The following GDPD2 variants were observed in gnomAD, a reference collection of about 807,000 sequenced individuals.
GDPD2 encodes the protein glycerophosphodiester phosphodiesterase domain containing 2, also known as glycerophosphodiester phosphodiesterase 3.
Under a neutral mutation model 49.2 loss-of-function variants are expected in GDPD2, and 23 were observed. The ratio of observed to expected loss-of-function variants is 0.47; its 90% CI spans 0.34 to 0.66. The LOEUF (loss-of-function observed/expected upper bound fraction) is 0.66, where lower values mean the gene tolerates loss of function less well. Ranked by LOEUF, GDPD2 falls within the 30% of genes least tolerant of loss-of-function variation. The pLI is 0.01. For synonymous variants in GDPD2, 167 were observed against 171.4 expected (o/e 0.97, Z 0.20); for missense variants, 338 against 424.7 (o/e 0.80, Z 1.79).
chrX:70,425,553 CCTGCCCAGCTG>C, intron 3 of GDPD2, 96 bp downstream of exon 3: 1 of 615,672 alleles, frequency 1.6e-6, no homozygotes, highest in Admixed American at 2.2e-5. Flanking sequence ...ATCCCCCAGC[CCTGCCCAGCTG>C]CTCAAACCCA....
intron 1 of GDPD2, among the ~76,000 whole-genome samples, 185 bp downstream of exon 1, chrX:70,423,567 G>A (rs1344135421): frequency 8.9e-6 from 1 of 112,018 alleles, no homozygotes; most frequent in Non-Finnish European, 1.9e-5. Context: ...GGGGACTCTG[G>A]AAGGCAGTGT....
At chrX:70,427,032 T>TGGGG in intron 8 of GDPD2, 21 bp downstream of exon 8, 1 of 978,976 alleles carries the variant, frequency 1.0e-6, no homozygotes, top group Non-Finnish European at 1.4e-6. Flanking sequence ...GACAGAATGC[T>TGGGG]GGGAGGGTGG....
chrX:70,429,742 A>G (rs1367428943), intron 11 of GDPD2, 28 bp downstream of exon 11: 13 of 1,111,274 alleles, frequency 1.2e-5, no homozygotes, highest in Non-Finnish European at 1.6e-5. Flanking sequence ...CCCTCTCCCC[A>G]CCCTGCCTTC....
chrX:70,428,364 G>C (rs777163094), intron 10 of GDPD2, among the ~76,000 whole-genome samples: 5 of 112,060 alleles, frequency 4.5e-5, no homozygotes, highest in Non-Finnish European at 7.5e-5. Context: ...ACTTAAGGCA[G>C]GCTAGGTTAA....
At chrX:70,432,211 G>A in intron 12 of GDPD2, 96 bp from the exon 13 acceptor site, 4 of 710,505 alleles carry the variant, frequency 5.6e-6, no homozygotes, top group South Asian at 2.5e-5. Flanking sequence ...CTCCTTGGCA[G>A]TGGCACTGTA....
chrX:70,433,373 T>A lies in GDPD2; in HGVS notation c.*287T>A. Reference sequence around the variant, plus strand: ...TAGAACAGAGGAAGTAAAAGGGAGATTGCTCGGATAATGTCTCAGACTTGT... The same window carrying A: ...TAGAACAGAGGAAGTAAAAGGGAGAATGCTCGGATAATGTCTCAGACTTGT... On this transcript the variant is annotated 3_prime_UTR_variant, in exon 16 of 16. Transcript: ENST00000374382. 2 of 375,981 alleles carry A rather than the reference T, an allele frequency of 5.3e-6. No individual in the cohort carries two copies. Among genetic ancestry groups the A allele is most frequent in the Non-Finnish European group, 9.2e-6 (2 of 216,439 alleles). 31.0% of individuals were successfully genotyped at this position (375,981 alleles called of 1,213,427 possible).
chrX:70,432,273 T>C, intron 12 of GDPD2, 34 bp from the exon 13 acceptor site: 1 of 1,181,452 alleles, frequency 8.5e-7, no homozygotes, highest in Non-Finnish European at 1.1e-6. Context: ...ACCATGATTC[T>C]GGACATTCCC....
rs750471316 is a variant in GDPD2, at chrX:70,426,702, T to C, written c.517T>C (p.Trp173Arg). The change falls in exon 7 of 16, where the codon TGG (tryptophan) becomes CGG (arginine). Residue 173 changes from tryptophan to arginine, a missense_variant. By Grantham distance (101) the Trp-to-Arg change is moderately radical. This residue lies in a region of GDPD2 where 253 missense variants were observed against 330.4 expected (regional missense o/e 0.77). Coordinates refer to ENST00000374382, the MANE Select transcript of GDPD2 (RefSeq NM_017711.4). ...AGCCGCTGGAATTGCCCTCCTGGCC[T>C]GGCCTGTGGCTGATACCTTCTACCG... ...GAAAGIALLA[W>R]PVADTFYRIH... 3.3e-6 allele frequency: 4 copies of C among 1,208,791 alleles called. No individual in the cohort carries two copies. The highest frequency in any genetic ancestry group is 3.4e-6 in the Non-Finnish European group (3 of 892,836).
At chrX:70,425,624 C>A in intron 3 of GDPD2, 139 bp from the exon 4 acceptor site, 1 of 548,567 alleles carries the variant, frequency 1.8e-6, no homozygotes, top group Non-Finnish European at 3.3e-6. Flanking sequence ...AAAATCTCCT[C>A]AATCCTTGGA....
At chrX:70,430,854 G>A (rs2086469445) in intron 12 of GDPD2, 7 of 338,745 alleles carry the variant, frequency 2.1e-5, no homozygotes, top group Non-Finnish European at 1.0e-5. Context: ...CAAGCCTGTA[G>A]TGCAGTGGCC....
chrX:70,431,416 G>C (rs1244962070), intron 12 of GDPD2, among the ~76,000 whole-genome samples: 1 of 113,037 alleles, frequency 8.8e-6, no homozygotes, highest in Non-Finnish European at 1.9e-5. Flanking sequence ...CCAGAGAGGA[G>C]ACACTGGCAT....
intron 12 of GDPD2, among the ~76,000 whole-genome samples, chrX:70,430,363 G>C (rs778018291): frequency 8.9e-6 from 1 of 112,207 alleles, no homozygotes; most frequent in African/African-American, 3.2e-5. Context: ...AGATGTAGAA[G>C]AGTGGTTAGG....
chrX:70,426,359 C>T lies in GDPD2; in HGVS notation c.364-12C>T. 1 of 1,206,796 alleles carries T rather than the reference C, an allele frequency of 8.3e-7. No individual in the cohort carries two copies. The highest frequency in any genetic ancestry group is 1.1e-6 in the Non-Finnish European group (1 of 891,279). ...ATTGACCAAGAGGCCTCATTCATCCCTGGCCCCCCAGGTGCTGCTGCTCCT... is the reference window on the plus strand; with the variant it reads ...ATTGACCAAGAGGCCTCATTCATCCTTGGCCCCCCAGGTGCTGCTGCTCCT... On this transcript the variant is annotated splice_polypyrimidine_tract_variant and intron_variant, in intron 5 of 15. Coordinates refer to ENST00000374382, the MANE Select transcript of GDPD2 (RefSeq NM_017711.4).
Position 70,426,871 on chromosome X carries a change from A to G in GDPD2, c.562A>G (p.Lys188Glu). The change falls in exon 8 of 16, where the codon AAG becomes GAG. Residue 188 changes from lysine (K) to glutamate (E), a missense_variant. Physicochemically the swap from Lys to Glu is moderately conservative, Grantham distance 56. Coordinates refer to ENST00000374382, the MANE Select transcript of GDPD2 (RefSeq NM_017711.4). ...TFYRIHRRGP[K>E]ILLLLLFFGV... ...CTGTCCCCCACTCCCCACAGGTCCC[A>G]AGATTCTGCTACTGCTCCTATTTTT... The G allele has an allele frequency of 8.3e-7, 1 of 1,210,706 alleles. No individual in the cohort carries two copies. The highest frequency in any genetic ancestry group is 1.7e-5 in the African/African-American group (1 of 57,709).
In GDPD2 at chrX:70,426,885, GCTC is replaced by G. The variant is rs752292222; in HGVS notation, c.579_581del (p.Leu194del). The stretch of plus-strand genomic sequence containing the variant: ...CCACAGGTCCCAAGATTCTGCTACT[GCTC>G]CTATTTTTTGGAGTTGTCCTGGTCA... On this transcript the variant is annotated inframe_deletion, in exon 8 of 16. Coordinates refer to ENST00000374382, the MANE Select transcript of GDPD2 (RefSeq NM_017711.4). 1.7e-6 allele frequency: 2 copies of G among 1,210,511 alleles called. No homozygotes were observed. The highest frequency in any genetic ancestry group is 2.2e-6 in the Non-Finnish European group (2 of 894,460).
intron 3 of GDPD2, 123 bp downstream of exon 3, chrX:70,425,580 G>C (rs2086413929): frequency 5.3e-6 from 3 of 567,137 alleles, no homozygotes; most frequent in Non-Finnish European, 9.4e-6. Context: ...ACCCAGCTCT[G>C]CTGCTACCCA....
At position 70,429,610 on chromosome X, in the gene GDPD2, ATCATGT is replaced by A; in HGVS notation, c.1057_1062del (p.Met353_Phe354del). The A allele has an allele frequency of 8.3e-7, 1 of 1,205,943 alleles. No homozygotes were observed. The highest frequency in any genetic ancestry group is 1.1e-6 in the Non-Finnish European group (1 of 891,898). ...GGAAGCTGCAGCCCTCAACCTTTCC[ATCATGT>A]TCGACTTGCGCCGACCCCCACAGAA... On this transcript the variant is annotated inframe_deletion, in exon 11 of 16. Coordinates refer to ENST00000374382, the MANE Select transcript of GDPD2 (RefSeq NM_017711.4).
chrX:70,426,249 G>A lies in GDPD2; in HGVS notation c.364-122G>A, dbSNP rs140771232. 7.9e-4 allele frequency: 609 copies of A among 774,646 alleles called. 4 individuals are homozygous for A. The African/African-American group carries it at 0.011, about 14-fold the overall frequency. The allele number at this position is 774,646 out of a possible 1,213,427, so 63.8% of individuals were successfully genotyped here. The stretch of plus-strand genomic sequence containing the variant: ...AAGCCCAGTAAGTGTTGAGTGAAAG[G>A]AGGAAAGCAGATGTGTCAGGGGAAG... On this transcript the variant is annotated intron_variant, in intron 5 of 15. Coordinates refer to ENST00000374382, the MANE Select transcript of GDPD2 (RefSeq NM_017711.4).
chrX:70,427,280 A>C, intron 9 of GDPD2, 33 bp from the exon 10 acceptor site: 1 of 1,208,785 alleles, frequency 8.3e-7, no homozygotes, highest in Non-Finnish European at 1.1e-6. Context: ...CCAGCCCCAG[A>C]GCTTGGCCCT....
Sources: allele counts gnomAD v4.1 joint callset (sites outside exome capture counted in the v4.1 genomes callset), GRCh38; gene constraint gnomAD v4.1.1; regional missense constraint gnomAD v4.1.1; transcripts MANE v1.5; gene names NCBI Gene and HGNC (gene_info 2026-07-23, HGNC 2026-07-21).